The following KLKB1 variants were observed in gnomAD, a reference collection of about 807,000 sequenced individuals.
KLKB1 encodes plasma kallikrein.
KLKB1 carries 58 observed loss-of-function variants against 73.6 expected under a neutral mutation model. The observed-to-expected ratio is 0.79, with a 90% confidence interval of 0.64 to 0.98. The LOEUF (loss-of-function observed/expected upper bound fraction) is 0.98. Among genes scored for constraint, KLKB1 ranks in the 50% least tolerant of loss-of-function variants. The probability of loss-of-function intolerance (pLI) is 0.00; values close to 1 mark genes in which losing one functional copy is unlikely to be tolerated. For synonymous variants in KLKB1, 280 were observed against 258.1 expected (o/e 1.08, Z -0.81); for missense variants, 737 against 763.8 (o/e 0.96, Z 0.41).
intron 2 of KLKB1, among the ~76,000 whole-genome samples, chr4:186,221,318 T>C (rs962844297): frequency 6.6e-6 from 1 of 151,880 alleles, no homozygotes. Context: ...TATTATTTTC[T>C]TTCTTCCTCT....
chr4:186,247,678 G>C (rs1580020571), intron 6 of KLKB1, among the ~76,000 whole-genome samples: 1 of 152,182 alleles, frequency 6.6e-6, no homozygotes, highest in Admixed American at 6.5e-5. Context: ...AAGGATGTTT[G>C]AGAATCACTA....
At chr4:186,250,858 G>A (rs912082543) in intron 7 of KLKB1, among the ~76,000 whole-genome samples, 46 of 152,274 alleles carry the variant, frequency 3.0e-4, no homozygotes, top group African/African-American at 1.1e-3. Flanking sequence ...ACCCTCTTCT[G>A]CACACAGCAT....
rs752246567 is a variant in KLKB1 at position 186,236,841 on chromosome 4, AG to A, written c.391del (p.Val131LeufsTer38). On this transcript the variant is annotated frameshift_variant, in exon 5 of 15. Transcript: ENST00000264690. LOFTEE classifies it high-confidence loss of function. ...AGAGGAGTCAATTTTAATGTGTCTA[AG>A]GTTAGCAGTGTTGAAGAATGCCAAA... ...DMRGVNFNVSKVSSVEECQKR... is the reference protein window; with the variant it reads ...DMRGVNFNVSXVSSVEECQKR... The A allele has an allele frequency of 2.5e-5, 40 of 1,614,036 alleles. No individual in the cohort carries two copies. The highest frequency in any genetic ancestry group is 3.2e-5 in the Non-Finnish European group (38 of 1,179,942).
chr4:186,250,085 A>G (rs955794085), intron 6 of KLKB1, among the ~76,000 whole-genome samples, 158 bp from the exon 7 acceptor site: 4 of 152,168 alleles, frequency 2.6e-5, no homozygotes, highest in African/African-American at 9.7e-5. Flanking sequence ...CTAAATGGCA[A>G]ACAGTTTGGA....
At chr4:186,224,466 GC>G (rs1737107209), upstream of KLKB1, among the ~76,000 whole-genome samples, 1 of 152,244 alleles carries the variant, frequency 6.6e-6, no homozygotes, top group Non-Finnish European at 1.5e-5. Context: ...GCATCAGCAT[GC>G]CCTGGGTGTG....
intron 3 of KLKB1, among the ~76,000 whole-genome samples, chr4:186,233,361 C>G (rs572610231): frequency 6.6e-5 from 10 of 152,160 alleles, no homozygotes; most frequent in Non-Finnish European, 1.3e-4. Flanking sequence ...CTCATCTTCA[C>G]TCTATGTGAG....
In KLKB1 at chr4:186,252,099, G is replaced by GGT. The variant is rs775295725; in HGVS notation, c.1229_1230dup (p.Lys411Ter). 6.2e-7 allele frequency: 1 copy of GGT among 1,614,094 alleles called. No individual in the cohort carries two copies. Among genetic ancestry groups the GGT allele is most frequent in the Non-Finnish European group, 8.5e-7 (1 of 1,180,046 alleles). On this transcript the variant is annotated frameshift_variant, in exon 11 of 15. Transcript: ENST00000264690. LOFTEE classifies it high-confidence loss of function. Reference sequence around the variant, plus strand: ...AGTGGCCCTGGCAGGTGAGCCTGCAGGTGAAGCTGACAGCTCAGAGGCACC... The same window carrying GGT: ...AGTGGCCCTGGCAGGTGAGCCTGCAGGTGTGAAGCTGACAGCTCAGAGGCACC...
intron 5 of KLKB1, among the ~76,000 whole-genome samples, chr4:186,237,773 A>G (rs1200047217): frequency 2.0e-5 from 3 of 152,080 alleles, no homozygotes; most frequent in African/African-American, 7.2e-5. Context: ...CACTGGAGTC[A>G]TGTACATTGT....
At chr4:186,222,054 A>T (rs1008169444), upstream of KLKB1, among the ~76,000 whole-genome samples, 1 of 152,230 alleles carries the variant, frequency 6.6e-6, no homozygotes, top group Middle Eastern at 3.4e-3. Context: ...CTTAAACTCT[A>T]TCTCATCTGT....
Position 186,254,658 on chromosome 4 carries a change from C to T in KLKB1, c.1384C>T (p.Pro462Ser), listed in dbSNP as rs768849619. 3 of 1,613,090 alleles carry T rather than the reference C, an allele frequency of 1.9e-6. No homozygotes were observed. Among genetic ancestry groups the T allele is most frequent in the African/African-American group, 2.7e-5 (2 of 74,894 alleles). Residue 462 changes from proline (P) to serine (S), a missense_variant, in exon 12 of 15, where the codon CCT (proline) becomes TCT (serine). Physicochemically the swap from Pro to Ser is moderately conservative, Grantham distance 74 (BLOSUM62 -1). Transcript: ENST00000264690. Reference sequence around the variant, plus strand: ...TCTGTCAGACATTACAAAAGATACACCTTTCTCACAAATAAAAGAGATTAT... The same window carrying T: ...TCTGTCAGACATTACAAAAGATACATCTTTCTCACAAATAAAAGAGATTAT... ...LNLSDITKDT[P>S]FSQIKEIIIH... is the part of the protein sequence containing the mutation.
At chr4:186,253,608 TAAAA>T (rs1243044686) in intron 11 of KLKB1, among the ~76,000 whole-genome samples, 7 of 148,416 alleles carry the variant, frequency 4.7e-5, no homozygotes, top group African/African-American at 7.5e-5. Context: ...TCATTGCAAA[TAAAA>T]AAAGGCCCCT....
intron 6 of KLKB1, among the ~76,000 whole-genome samples, chr4:186,245,400 A>C (rs879504327): frequency 6.6e-6 from 1 of 152,126 alleles, no homozygotes; most frequent in Non-Finnish European, 1.5e-5. Flanking sequence ...AGATCTGGGA[A>C]GCAGTCAGTC....
chr4:186,250,960 T>C, intron 7 of KLKB1: 1 of 476,908 alleles, frequency 2.1e-6, no homozygotes, highest in Non-Finnish European at 3.7e-6. Flanking sequence ...GTTTTTCCAG[T>C]TAGAAGGTGG....
Position 186,257,233 on chromosome 4 carries a change from C to T in KLKB1, c.1593C>T (p.Ile531=). The change falls in exon 14 of 15, where the codon ATC becomes ATT. Residue 531 remains isoleucine, a synonymous_variant. Coordinates refer to ENST00000264690, the MANE Select transcript of KLKB1 (RefSeq NM_000892.5). ...GWGFSKEKGE[I]QNILQKVNIP... ...TATATTGGTTACTCACAGGTGAAATCCAAAATATTCTACAAAAGGTAAATA... is the reference window on the plus strand; with the variant it reads ...TATATTGGTTACTCACAGGTGAAATTCAAAATATTCTACAAAAGGTAAATA... 1 of 1,581,564 alleles carries T rather than the reference C, an allele frequency of 6.3e-7. No homozygotes were observed. The highest frequency in any genetic ancestry group is 1.1e-5 in the South Asian group (1 of 87,168).
intron 6 of KLKB1, among the ~76,000 whole-genome samples, chr4:186,245,654 A>G (rs1202780974): frequency 6.6e-6 from 1 of 151,992 alleles, no homozygotes; most frequent in African/African-American, 2.4e-5. Flanking sequence ...TGTGCTGGAG[A>G]TGTGGCTGGG....
In KLKB1 at chr4:186,251,775, T is replaced by C. The variant is rs569188180; in HGVS notation, c.1058T>C (p.Met353Thr). 6 of 1,613,984 alleles carry C rather than the reference T, an allele frequency of 3.7e-6. No homozygotes were observed. The South Asian group carries it at 6.6e-5, about 18-fold the overall frequency. ...TGTAAGTGTTTCTTAAGATTATCTA[T>C]GGATGGTTCTCCAACTAGGATTGCG... ...EKCKCFLRLS[M>T]DGSPTRIAYG... Residue 353 changes from methionine to threonine, a missense_variant, in exon 10 of 15, where the codon ATG (methionine) becomes ACG (threonine). Coordinates refer to ENST00000264690, the MANE Select transcript of KLKB1 (RefSeq NM_000892.5).
intron 14 of KLKB1, 89 bp from the exon 15 acceptor site, chr4:186,257,932 G>T: frequency 9.1e-7 from 1 of 1,103,778 alleles, no homozygotes; most frequent in South Asian, 1.3e-5. Flanking sequence ...GTGTTGCTGT[G>T]TAGTGGACTA....
intron 13 of KLKB1, 135 bp from the exon 14 acceptor site, chr4:186,257,091 T>C: frequency 2.0e-6 from 1 of 490,724 alleles, no homozygotes; most frequent in African/African-American, 2.0e-5. Flanking sequence ...AAAAATACAC[T>C]GCTCTGATTC....
rs940133347 is a variant in KLKB1 at position 186,236,710 on chromosome 4, G to A, written c.329-71G>A. Reference sequence around the variant, plus strand: ...ATCATTCTAAACTACCAACCCAAATGGTAGTGGGTATCTAATCTACCTCTA... The same window carrying A: ...ATCATTCTAAACTACCAACCCAAATAGTAGTGGGTATCTAATCTACCTCTA... On this transcript the variant is annotated intron_variant, in intron 4 of 14. Transcript: ENST00000264690. 1.3e-5 allele frequency: 20 copies of A among 1,482,188 alleles called. No homozygotes were observed. The African/African-American group carries it at 2.5e-4, about 18-fold the overall frequency. The allele number at this position is 1,482,188 out of a possible 1,614,324, so 91.8% of individuals were successfully genotyped here.
Sources: allele counts gnomAD v4.1 joint callset (sites outside exome capture counted in the v4.1 genomes callset), GRCh38; gene constraint gnomAD v4.1.1; transcripts MANE v1.5; gene names NCBI Gene and HGNC (gene_info 2026-07-23, HGNC 2026-07-21).